The following IL6R variants were observed in gnomAD, a reference collection of about 807,000 sequenced individuals.
IL6R encodes interleukin 6 receptor.
A neutral mutation model predicts 48.3 loss-of-function variants in IL6R; 38 were observed. That is an observed-to-expected ratio of 0.79 (90% CI 0.61 to 1.03). IL6R has a LOEUF of 1.03. Among genes scored for constraint, IL6R ranks in the 50% least tolerant of loss-of-function variants. IL6R has a pLI of 0.00. For missense variants in IL6R, 534 were observed against 618.3 expected (o/e 0.86, Z 1.45); for synonymous variants, 264 against 256.2 (o/e 1.03, Z -0.29).
chr1:154,418,522 C>G (rs1388746679), intron 1 of IL6R: 1 of 554,482 alleles, frequency 1.8e-6, no homozygotes, highest in Non-Finnish European at 2.3e-6. Flanking sequence ...CCAGCCAAAG[C>G]TAGTCATCTG....
Position 154,447,686 on chromosome 1 carries a change from T to TTTTTGTTTTGTTTTGTTTTG in IL6R, c.950-414_950-395dup, listed in dbSNP as rs527467504. ...TATTTGGTTATTTCCAGCATGCTGT[T>TTTTTGTTTTGTTTTGTTTTG]TTTTGTTTTGTTTTGTTTTGTTTTG... is the stretch of plus-strand genomic sequence containing the variant. On this transcript the variant is annotated intron_variant, in intron 6 of 9. Transcript: ENST00000368485. Among the ~76,000 whole-genome samples, 575 of 148,428 alleles carry TTTTTGTTTTGTTTTGTTTTG rather than the reference T, an allele frequency of 3.9e-3. 4 individuals carry two copies. The highest frequency in any genetic ancestry group is 0.011 in the South Asian group (51 of 4,650).
In IL6R at chr1:154,434,848, A is replaced by G. The variant is rs1468355944; in HGVS notation, c.641-142A>G. ...GCGTTGCTTGCCGGGAGGTGTGGCAATGATAAAGCAGGCCCTTGTGGAGCT... is the reference window on the plus strand; with the variant it reads ...GCGTTGCTTGCCGGGAGGTGTGGCAGTGATAAAGCAGGCCCTTGTGGAGCT... On this transcript the variant is annotated intron_variant, in intron 4 of 9. Coordinates refer to ENST00000368485, the MANE Select transcript of IL6R (RefSeq NM_000565.4). 2.6e-5 allele frequency: 31 copies of G among 1,186,150 alleles called. No homozygotes were observed. The East Asian group carries it at 7.2e-4, about 28-fold the overall frequency. The allele number at this position is 1,186,150 out of a possible 1,614,324, so 73.5% of individuals were successfully genotyped here.
intron 1 of IL6R, among the ~76,000 whole-genome samples, chr1:154,422,780 G>A (rs1570939039): frequency 6.6e-6 from 1 of 152,356 alleles, no homozygotes; most frequent in South Asian, 2.1e-4. Flanking sequence ...CAAGGCCTGT[G>A]TCAGGCCGGG....
chr1:154,428,648 G>A (rs909709010), intron 1 of IL6R, among the ~76,000 whole-genome samples: 5 of 152,246 alleles, frequency 3.3e-5, no homozygotes, highest in African/African-American at 1.2e-4. Context: ...TTGGAGTCTT[G>A]AGGGGAAGAG....
At chr1:154,412,169 G>A (rs1181813687) in intron 1 of IL6R, among the ~76,000 whole-genome samples, 1 of 151,828 alleles carries the variant, frequency 6.6e-6, no homozygotes, top group Non-Finnish European at 1.5e-5. Flanking sequence ...GGAGAGTCTT[G>A]ATCTCCTGAC....
At chr1:154,416,212 C>G (rs1388248483) in intron 1 of IL6R, among the ~76,000 whole-genome samples, 3 of 152,058 alleles carry the variant, frequency 2.0e-5, no homozygotes. Flanking sequence ...TCACTGCAAC[C>G]TTGAACTCCT....
intron 9 of IL6R, among the ~76,000 whole-genome samples, chr1:154,464,603 A>G (rs1691446929): frequency 1.3e-5 from 2 of 151,918 alleles, no homozygotes; most frequent in Admixed American, 6.6e-5. Flanking sequence ...ATACACATCT[A>G]TTTCCTTGGG....
chr1:154,408,869 G>A (rs1687877063), intron 1 of IL6R, among the ~76,000 whole-genome samples: 1 of 152,112 alleles, frequency 6.6e-6, no homozygotes, highest in Non-Finnish European at 1.5e-5. Flanking sequence ...AATTATGCCA[G>A]CGCAGTGACT....
chr1:154,436,038 C>T lies in IL6R; in HGVS notation c.877C>T (p.Arg293Cys), dbSNP rs1213002868. ...CGGCCTGAGGCACGTGGTGCAGCTT[C>T]GTGCCCAGGAGGAGTTCGGGCAAGG... ...WSGLRHVVQL[R>C]AQEEFGQGEW... The change falls in exon 6 of 10, where the codon CGT becomes TGT. Residue 293 changes from arginine to cysteine, a missense_variant. By Grantham distance (180) the Arg-to-Cys change is radical (BLOSUM62 -3). Coordinates refer to ENST00000368485, the MANE Select transcript of IL6R (RefSeq NM_000565.4). 4.3e-6 allele frequency: 7 copies of T among 1,613,014 alleles called. No homozygotes were observed. Among genetic ancestry groups the T allele is most frequent in the East Asian group, 2.2e-5 (1 of 44,890 alleles).
At chr1:154,435,362 T>A (rs956566528) in intron 5 of IL6R, among the ~76,000 whole-genome samples, 2 of 151,990 alleles carry the variant, frequency 1.3e-5, no homozygotes, top group African/African-American at 2.4e-5. Flanking sequence ...TTACAAAAAA[T>A]TAGCTGGGTG....
chr1:154,437,401 A>AT (rs1345139733), intron 6 of IL6R: 42 of 359,976 alleles, frequency 1.2e-4, no homozygotes, highest in East Asian at 4.9e-4. Flanking sequence ...CCGGTCGGAA[A>AT]TTTTTTTTAA....
intron 9 of IL6R, among the ~76,000 whole-genome samples, chr1:154,455,203 G>A (rs534967582): frequency 6.6e-6 from 1 of 152,232 alleles, no homozygotes; most frequent in African/African-American, 2.4e-5. Flanking sequence ...GAACTACCAT[G>A]CCCGGCCCAA....
intron 8 of IL6R, among the ~76,000 whole-genome samples, chr1:154,453,366 C>T (rs1457246227): frequency 6.6e-6 from 1 of 152,252 alleles, no homozygotes; most frequent in African/African-American, 2.4e-5. Context: ...TCTGGGCTCT[C>T]TGCGCTGCCT....
chr1:154,464,463 T>G (rs937729557), intron 9 of IL6R, among the ~76,000 whole-genome samples: 8 of 152,070 alleles, frequency 5.3e-5, no homozygotes, highest in Non-Finnish European at 1.5e-5. Flanking sequence ...CCTATTTTTC[T>G]TTTTTTTAAG....
At chr1:154,414,355 C>T in intron 1 of IL6R, 2 of 1,334,626 alleles carry the variant, frequency 1.5e-6, no homozygotes, top group Non-Finnish European at 2.1e-6. Flanking sequence ...CACCCTGTGC[C>T]TGGTGGGCTC....
At chr1:154,453,873 A>G (rs2149268204) in intron 8 of IL6R, among the ~76,000 whole-genome samples, 1 of 152,360 alleles carries the variant, frequency 6.6e-6, no homozygotes, top group African/African-American at 2.4e-5. Flanking sequence ...TAGAGAAAAC[A>G]GACAGGAGAG....
At chr1:154,447,605 G>T (rs948203984) in intron 6 of IL6R, among the ~76,000 whole-genome samples, 8 of 142,124 alleles carry the variant, frequency 5.6e-5, no homozygotes, top group Admixed American at 1.4e-4. Flanking sequence ...AATTTTAAAA[G>T]TTTCTGCATT....
In IL6R at chr1:154,464,995, T is replaced by C; in HGVS notation, c.1161-139T>C. On this transcript the variant is annotated intron_variant, in intron 9 of 9. Transcript: ENST00000368485. Reference sequence around the variant, plus strand: ...AATGAACAAAAAACAAAAAGACAGCTGATAGTTATTGCTCCTTTGAGCCGA... The same window carrying C: ...AATGAACAAAAAACAAAAAGACAGCCGATAGTTATTGCTCCTTTGAGCCGA... 5 of 873,528 alleles carry C rather than the reference T, an allele frequency of 5.7e-6. No homozygotes were observed. In the South Asian group the frequency reaches 6.2e-5, roughly 11 times the overall value. 54.1% of individuals were successfully genotyped at this position (873,528 alleles called of 1,614,324 possible). A position where few individuals can be genotyped will look rare whatever the true frequency, so the allele number is the denominator to read the frequency against.
chr1:154,450,009 G>A, intron 8 of IL6R, 29 bp downstream of exon 8: 4 of 1,396,314 alleles, frequency 2.9e-6, no homozygotes, highest in Non-Finnish European at 3.1e-6. Flanking sequence ...CATATTCCCA[G>A]GGTCCGAGGG....
Sources: allele counts gnomAD v4.1 joint callset (sites outside exome capture counted in the v4.1 genomes callset), GRCh38; gene constraint gnomAD v4.1.1; transcripts MANE v1.5; gene names NCBI Gene and HGNC (gene_info 2026-07-23, HGNC 2026-07-21).